The following TENM3 variants were observed in gnomAD, a reference collection of about 807,000 sequenced individuals.
The protein encoded by TENM3 is teneurin-3.
In TENM3, 63 loss-of-function variants were observed where a neutral mutation model predicts 255.1. The ratio of observed to expected loss-of-function variants is 0.25; its 90% CI spans 0.20 to 0.30. TENM3 has a LOEUF of 0.30. Ranked by LOEUF, TENM3 falls within the 10% of genes least tolerant of loss-of-function variation. The pLI, the probability that TENM3 is intolerant of heterozygous loss-of-function variation, is 1.00. For synonymous variants in TENM3, 1,306 were observed against 1,322.3 expected, an observed-to-expected ratio of 0.99 and a Z score of 0.27; for missense variants, 2,929 against 3,461.1, an observed-to-expected ratio of 0.85 and a Z score of 3.86.
At chr4:181,715,356 ATTTC>A in the TENM3 span, among the ~76,000 whole-genome samples, 1 of 152,112 alleles carries the variant, frequency 6.6e-6, no homozygotes, top group Non-Finnish European at 1.5e-5. Flanking sequence ...CCTTGTGTCT[ATTTC>A]TTTTACTAGT....
rs181113008 is a variant in TENM3, at chr4:182,681,458, T to G, written c.1835-356T>G. 2.2e-3 allele frequency among the ~76,000 whole-genome samples: 331 copies of G among 152,322 alleles called. 1 individual carries two copies. The highest frequency in any genetic ancestry group is 3.7e-3 in the Non-Finnish European group (251 of 68,032). On this transcript the variant is annotated intron_variant, in intron 10 of 27. Coordinates refer to ENST00000511685, the MANE Select transcript of TENM3 (RefSeq NM_001080477.4). ...TTTCTCAAACAGTGTGAGGATCCCATACAGCTGTCAGTACTCAGTGGTCAC... is the reference window on the plus strand; with the variant it reads ...TTTCTCAAACAGTGTGAGGATCCCAGACAGCTGTCAGTACTCAGTGGTCAC...
intron 1 of TENM3, among the ~76,000 whole-genome samples, chr4:182,220,022 G>T (rs1184787593): frequency 6.6e-6 from 1 of 152,094 alleles, no homozygotes; most frequent in African/African-American, 2.4e-5. Flanking sequence ...ATGAAAAGAA[G>T]AACTCAAAAT....
the TENM3 span, among the ~76,000 whole-genome samples, chr4:182,102,966 C>T: frequency 1.3e-5 from 2 of 152,184 alleles, no homozygotes; most frequent in African/African-American, 4.8e-5. Context: ...ATAATAATAA[C>T]AGTGGCAATT....
chr4:182,395,986 CTAT>C (rs1768779068), intron 3 of TENM3, among the ~76,000 whole-genome samples: 1 of 152,178 alleles, frequency 6.6e-6, no homozygotes, highest in Non-Finnish European at 1.5e-5. Flanking sequence ...CCATTTTATA[CTAT>C]AAGCAGTTGT....
At chr4:181,936,048 A>C in the TENM3 span, among the ~76,000 whole-genome samples, 1 of 152,168 alleles carries the variant, frequency 6.6e-6, no homozygotes, top group Admixed American at 6.6e-5. Flanking sequence ...ATAGATATTT[A>C]TTACGGGATT....
At chr4:181,705,081 C>T in the TENM3 span, among the ~76,000 whole-genome samples, 3 of 151,692 alleles carry the variant, frequency 2.0e-5, no homozygotes, top group Non-Finnish European at 4.4e-5. Context: ...AGGAGAGACC[C>T]CCATCTCTCT....
At chr4:181,622,165 A>C in the TENM3 span, among the ~76,000 whole-genome samples, 3,026 of 152,230 alleles carry the variant, frequency 0.02, 100 homozygotes, top group African/African-American at 0.068. Flanking sequence ...GATGTCCTAC[A>C]TGGTCAACTG....
At chr4:182,314,566 A>G (rs965260379) in intron 1 of TENM3, among the ~76,000 whole-genome samples, 3 of 152,172 alleles carry the variant, frequency 2.0e-5, no homozygotes, top group African/African-American at 7.2e-5. Flanking sequence ...CTGCCTTTTA[A>G]TTGGTGTGTG....
At chr4:182,289,259 C>T (rs1269404748) in intron 1 of TENM3, among the ~76,000 whole-genome samples, 7 of 152,196 alleles carry the variant, frequency 4.6e-5, no homozygotes, top group South Asian at 2.1e-4. Flanking sequence ...TATATTAAAA[C>T]GCATTTAGAT....
chr4:181,484,921 T>C, the TENM3 span, among the ~76,000 whole-genome samples: 1 of 152,126 alleles, frequency 6.6e-6, no homozygotes, highest in Non-Finnish European at 1.5e-5. Flanking sequence ...TAAAAGTCAA[T>C]GAGATTTCTT....
the TENM3 span, chr4:182,081,610 A>G: frequency 1.3e-5 from 2 of 150,412 alleles, no homozygotes; most frequent in African/African-American, 4.9e-5. Context: ...AAAAAAGAAG[A>G]AGAAGAAGAA....
At chr4:182,264,360 C>T (rs1017962486) in intron 1 of TENM3, among the ~76,000 whole-genome samples, 8 of 152,328 alleles carry the variant, frequency 5.3e-5, no homozygotes, top group Non-Finnish European at 1.0e-4. Context: ...GAAGTCTCCA[C>T]GTTGTTTTAT....
chr4:182,547,332 A>G (rs1467012336), intron 3 of TENM3, among the ~76,000 whole-genome samples: 5 of 152,298 alleles, frequency 3.3e-5, no homozygotes, highest in East Asian at 3.9e-4. Context: ...TGCTTTTCAG[A>G]TATTTGAGAA....
intron 5 of TENM3, among the ~76,000 whole-genome samples, chr4:182,632,783 A>G (rs1196797815): frequency 6.6e-6 from 1 of 152,120 alleles, no homozygotes; most frequent in East Asian, 1.9e-4. Context: ...ACATACCTGT[A>G]AAGTCCTTAT....
rs1762059800 is a variant in TENM3, at chr4:182,747,069, A to G, written c.3629+3650A>G. Among the ~76,000 whole-genome samples, 4 of 152,108 alleles carry G rather than the reference A, an allele frequency of 2.6e-5. No homozygotes were observed. The South Asian group carries it at 8.3e-4, about 32-fold the overall frequency. On this transcript the variant is annotated intron_variant, in intron 19 of 27. Coordinates refer to ENST00000511685, the MANE Select transcript of TENM3 (RefSeq NM_001080477.4). ...TAAGATCCTTCCTGGCGTGCTCCTT[A>G]TCCTCGCTTTCTTGGGCAGCATGAG...
chr4:182,534,403 T>C (rs1267321302), intron 3 of TENM3, among the ~76,000 whole-genome samples: 1 of 152,158 alleles, frequency 6.6e-6, no homozygotes, highest in Non-Finnish European at 1.5e-5. Flanking sequence ...AATAGTCTCT[T>C]GTTGTTTATT....
chr4:182,615,069 A>ATATTTT (rs1202422295), intron 4 of TENM3, among the ~76,000 whole-genome samples: 3 of 130,368 alleles, frequency 2.3e-5, no homozygotes, highest in Non-Finnish European at 4.8e-5. Context: ...ATATATATGT[A>ATATTTT]TTTTTTTTTT....
At chr4:181,831,300 T>C in the TENM3 span, among the ~76,000 whole-genome samples, 1 of 152,182 alleles carries the variant, frequency 6.6e-6, no homozygotes. Context: ...TAGCAGTGTC[T>C]CTTTTGAGGT....
At chr4:181,821,785 T>C in the TENM3 span, among the ~76,000 whole-genome samples, 1 of 152,174 alleles carries the variant, frequency 6.6e-6, no homozygotes, top group Non-Finnish European at 1.5e-5. Context: ...GACTCACACA[T>C]GGCTAGCATT....
Sources: allele counts gnomAD v4.1 joint callset (sites outside exome capture counted in the v4.1 genomes callset), GRCh38; gene constraint gnomAD v4.1.1; transcripts MANE v1.5; gene names NCBI Gene and HGNC (gene_info 2026-07-23, HGNC 2026-07-21).